ZDHHC24: variants seen among roughly 807,000 people sequenced by gnomAD.
ZDHHC24 encodes the protein probable palmitoyltransferase ZDHHC24.
ZDHHC24 carries 17 observed loss-of-function variants against 23.2 expected under a neutral mutation model. That is an observed-to-expected ratio of 0.73 (90% confidence interval 0.50 to 1.10). The LOEUF (loss-of-function observed/expected upper bound fraction) is 1.10. ZDHHC24 is among the 50% of genes least tolerant of loss of function. The probability of loss-of-function intolerance (pLI) is 0.00; values close to 1 mark genes in which losing one functional copy is unlikely to be tolerated. For synonymous variants in ZDHHC24, 186 were observed against 194.5 expected, an observed-to-expected ratio of 0.96 and a Z score of 0.36; for missense variants, 366 against 393.0, an observed-to-expected ratio of 0.93 and a Z score of 0.58.
At chr11:66,523,408 G>A (rs1856332067) in intron 4 of ZDHHC24, 2 of 1,613,930 alleles carry the variant, frequency 1.2e-6, no homozygotes, top group Non-Finnish European at 8.5e-7. Flanking sequence ...AGCCATAGAA[G>A]TGGAGAGGAT....
intron 3 of ZDHHC24, among the ~76,000 whole-genome samples, chr11:66,528,308 A>G (rs1441432868): frequency 6.6e-6 from 1 of 152,234 alleles, no homozygotes; most frequent in African/African-American, 2.4e-5. Flanking sequence ...AAGTGGAGAG[A>G]GTTACCAAGT....
At position 66,536,322 on chromosome 11, in the gene ZDHHC24, C is replaced by T. The variant is rs1017099979; in HGVS notation, c.*3207G>A. The T allele has an allele frequency of 2.6e-5, 4 of 152,390 alleles. No homozygotes were observed. The highest frequency in any genetic ancestry group is 5.9e-5 in the Non-Finnish European group (4 of 68,220). The allele number at this position is 152,390 out of a possible 1,614,324, so 9.4% of individuals were successfully genotyped here. ...CTGTAATCCCAGCACTTTGGGAGGCCAAGGTGGGCAGATCACCTGAGGTCA... is the reference window on the plus strand; with the variant it reads ...CTGTAATCCCAGCACTTTGGGAGGCTAAGGTGGGCAGATCACCTGAGGTCA... On this transcript the variant is annotated 3_prime_UTR_variant, in exon 3 of 3. Transcript: ENST00000310442.
chr11:66,533,943 C>T (rs757021294), downstream of ZDHHC24, among the ~76,000 whole-genome samples: 2 of 152,176 alleles, frequency 1.3e-5, no homozygotes, highest in African/African-American at 2.4e-5. Flanking sequence ...CCGGGGCAGG[C>T]GGACCACCTG....
chr11:66,535,071 T>G (rs186259050), downstream of ZDHHC24, among the ~76,000 whole-genome samples: 66 of 152,232 alleles, frequency 4.3e-4, no homozygotes, highest in Admixed American at 5.9e-4. Context: ...TTTTGTATTT[T>G]TAGTAGAGAC....
chr11:66,533,949 AC>A (rs1291015009), downstream of ZDHHC24, among the ~76,000 whole-genome samples: 2 of 152,200 alleles, frequency 1.3e-5, no homozygotes, highest in African/African-American at 2.4e-5. Context: ...CAGGCGGACC[AC>A]CTGAGGTCAG....
intron 4 of ZDHHC24, chr11:66,523,750 G>A (rs1266361363): frequency 1.1e-5 from 17 of 1,612,308 alleles, no homozygotes; most frequent in Non-Finnish European, 1.4e-5. Flanking sequence ...CAGTGCAGAT[G>A]CCCGCAGCCA....
chr11:66,526,066 T>A, intron 4 of ZDHHC24: 1 of 1,543,636 alleles, frequency 6.5e-7, no homozygotes, highest in Non-Finnish European at 9.0e-7. Context: ...ACCCATCCCC[T>A]GTCTTGCTTT....
Position 66,546,010 on chromosome 11 carries a change from G to T in ZDHHC24, c.-7C>A. 2.9e-6 allele frequency: 4 copies of T among 1,386,322 alleles called. No individual in the cohort carries two copies. Among genetic ancestry groups the T allele is most frequent in the Non-Finnish European group, 3.7e-6 (4 of 1,080,122 alleles). The allele number at this position is 1,386,322 out of a possible 1,614,324, so 85.9% of individuals were successfully genotyped here. A position where few individuals can be genotyped will look rare whatever the true frequency, so the allele number is the denominator to read the frequency against. On this transcript the variant is annotated 5_prime_UTR_variant, in exon 1 of 3. Transcript: ENST00000310442. ...CCGCCCAGGGCTGCCCCATGGCCTG[G>T]ACACCCAGCTGTCGGAGCCGGAGGA...
intron 4 of ZDHHC24, chr11:66,526,257 G>T: frequency 6.8e-7 from 1 of 1,480,458 alleles, no homozygotes; most frequent in South Asian, 1.1e-5. Context: ...CTGCTTCTGG[G>T]GAAAGAGGAG....
downstream of ZDHHC24, among the ~76,000 whole-genome samples, chr11:66,535,068 T>G (rs886463197): frequency 2.0e-4 from 31 of 152,142 alleles, 2 homozygotes; most frequent in Admixed American, 2.0e-3. Flanking sequence ...AATTTTTGTA[T>G]TTTTAGTAGA....
intron 4 of ZDHHC24, chr11:66,523,641 G>A (rs1590766937): frequency 6.2e-7 from 1 of 1,612,086 alleles, no homozygotes. Flanking sequence ...TGGCAAGAGA[G>A]TCCTCTGGCT....
At chr11:66,527,098 T>C in intron 3 of ZDHHC24, 1 of 1,356,978 alleles carries the variant, frequency 7.4e-7, no homozygotes, top group South Asian at 1.2e-5. Flanking sequence ...GAATTTTGAC[T>C]GGGCATGGTG....
At chr11:66,542,719 G>A (rs1381928583) in intron 2 of ZDHHC24, 1 of 152,868 alleles carries the variant, frequency 6.5e-6, no homozygotes, top group East Asian at 1.9e-4. Flanking sequence ...ATTTCCACAG[G>A]GCCCAGGGCG....
At position 66,545,745 on chromosome 11, in the gene ZDHHC24, G is replaced by GTCC; in HGVS notation, c.258_259insGGA (p.Gly86dup). ...CACGCCCAGCCCTGGCCCAGACCGC[G>GTCC]GCCGGCCAGCATCACGCCACGGATG... On this transcript the variant is annotated inframe_insertion, in exon 1 of 3. Transcript: ENST00000310442. This position sits in a 1 kb window ranked among gnomAD's most constrained non-coding sequence, Gnocchi z 4.5. 6.3e-7 allele frequency: 1 copy of GTCC among 1,584,114 alleles called. No individual in the cohort carries two copies. Among genetic ancestry groups the GTCC allele is most frequent in the South Asian group, 1.1e-5 (1 of 87,910 alleles).
At chr11:66,525,662 C>CTG (rs1342788440) in intron 4 of ZDHHC24, among the ~76,000 whole-genome samples, 2 of 152,150 alleles carry the variant, frequency 1.3e-5, no homozygotes, top group African/African-American at 4.8e-5. Flanking sequence ...GCCATAGGTG[C>CTG]TGGGAGGGCC....
exon 5 of ZDHHC24, chr11:66,521,214 G>C: frequency 7.5e-7 from 1 of 1,336,390 alleles, no homozygotes; most frequent in Admixed American, 1.7e-5. Context: ...TACTGACAGG[G>C]CAGGGAGGGA....
chr11:66,521,597 A>G (rs1856219572), intron 4 of ZDHHC24: 1 of 562,196 alleles, frequency 1.8e-6, no homozygotes, highest in Admixed American at 2.9e-5. Context: ...TGGCTATAGT[A>G]CAGGAGTGAT....
At chr11:66,541,805 G>T (rs1857159743) in intron 2 of ZDHHC24, among the ~76,000 whole-genome samples, 2 of 152,098 alleles carry the variant, frequency 1.3e-5, no homozygotes, top group South Asian at 4.1e-4. Context: ...GTCCTGGAGT[G>T]TGTGGAGACA....
intron 4 of ZDHHC24, chr11:66,526,057 C>T: frequency 1.4e-6 from 2 of 1,464,662 alleles, no homozygotes; most frequent in Non-Finnish European, 1.9e-6. Context: ...GCCTCCCCTA[C>T]CCATCCCCTG....
Sources: gnomAD v4.1 joint callset for allele counts (sites outside exome capture counted in the v4.1 genomes callset) on GRCh38, gnomAD v4.1.1 for gene constraint, Gnocchi (gnomAD v3.1) non-coding constraint, MANE v1.5 for transcripts, NCBI Gene and HGNC (gene_info 2026-07-23, HGNC 2026-07-21) for gene names.